Variants in ZDHHC3 observed in about 807,000 individuals in gnomAD.
The protein encoded by ZDHHC3 is zDHHC palmitoyltransferase 3.
ZDHHC3 carries 9 observed loss-of-function variants against 30.6 expected under a neutral mutation model. The ratio of observed to expected loss-of-function variants is 0.29; its 90% CI spans 0.18 to 0.51. ZDHHC3 has a LOEUF of 0.51. Among genes scored for constraint, ZDHHC3 ranks in the 20% least tolerant of loss-of-function variants. The pLI is 0.97. For missense variants in ZDHHC3, 246 were observed against 384.2 expected (o/e 0.64, Z 3.01); for synonymous variants, 136 against 140.2 (o/e 0.97, Z 0.21).
chr3:44,961,284 G>A (rs750827849), intron 1 of ZDHHC3, among the ~76,000 whole-genome samples: 13 of 152,240 alleles, frequency 8.5e-5, no homozygotes, highest in Non-Finnish European at 1.5e-4. Context: ...CCCAGCTACT[G>A]GGGAGGCTGA....
chr3:44,924,232 C>T lies in ZDHHC3; in HGVS notation c.*2457G>A, dbSNP rs188585558. On this transcript the variant is annotated 3_prime_UTR_variant, in exon 7 of 7. Transcript: ENST00000424952. ...TTACATCCGGAAATACTGAGGAGAG[C>T]TCAGGGATGCTTTCCCTTCCTGTCC... 430 of 985,432 alleles carry T rather than the reference C, an allele frequency of 4.4e-4. 2 individuals carry two copies. The African/African-American group carries it at 6.1e-3, about 14-fold the overall frequency. 61.0% of individuals were successfully genotyped at this position (985,432 alleles called of 1,614,324 possible). A position where few individuals can be genotyped will look rare whatever the true frequency, so the allele number is the denominator to read the frequency against.
chr3:44,956,040 T>C (rs550124491), intron 2 of ZDHHC3, among the ~76,000 whole-genome samples: 4 of 152,340 alleles, frequency 2.6e-5, no homozygotes, highest in South Asian at 2.1e-4. Flanking sequence ...TGCTTTGGGA[T>C]TGGAAGCTGG....
At chr3:44,937,019 T>C (rs1273732827) in intron 3 of ZDHHC3, among the ~76,000 whole-genome samples, 1 of 152,180 alleles carries the variant, frequency 6.6e-6, no homozygotes, top group Non-Finnish European at 1.5e-5. Context: ...CATTGACAAT[T>C]TTTTTTCAAT....
At position 44,926,092 on chromosome 3, in the gene ZDHHC3, A is replaced by G. The variant is rs962766786; in HGVS notation, c.*597T>C. ...ATCATTCTACACACCCCAAGCCCATAAAGTACAAGGCAGGCAATTGCTTTG... is the reference window on the plus strand; with the variant it reads ...ATCATTCTACACACCCCAAGCCCATGAAGTACAAGGCAGGCAATTGCTTTG... On this transcript the variant is annotated 3_prime_UTR_variant, in exon 7 of 7. Coordinates refer to ENST00000424952, the MANE Select transcript of ZDHHC3 (RefSeq NM_001135179.2). The G allele has an allele frequency of 1.3e-5, 13 of 985,880 alleles. No homozygotes were observed. In the South Asian group the frequency reaches 1.9e-4, roughly 14 times the overall value. The allele number at this position is 985,880 out of a possible 1,614,324, so 61.1% of individuals were successfully genotyped here. A position where few individuals can be genotyped will look rare whatever the true frequency, so the allele number is the denominator to read the frequency against.
At chr3:44,928,639 A>T (rs1180800830) in intron 6 of ZDHHC3, among the ~76,000 whole-genome samples, 1 of 152,176 alleles carries the variant, frequency 6.6e-6, no homozygotes. Context: ...ACACCTTAGG[A>T]AGGTCAGGAG....
At chr3:44,939,787 C>T (rs944456406) in intron 3 of ZDHHC3, among the ~76,000 whole-genome samples, 5 of 152,212 alleles carry the variant, frequency 3.3e-5, no homozygotes, top group Admixed American at 6.5e-5. Flanking sequence ...GGCTGAGTCT[C>T]GCTGGGCTTC....
chr3:44,963,804 C>A (rs1020078686), intron 1 of ZDHHC3, among the ~76,000 whole-genome samples: 1 of 152,210 alleles, frequency 6.6e-6, no homozygotes, highest in Non-Finnish European at 1.5e-5. Flanking sequence ...CCTCTAGTTC[C>A]CCCTCCCTGT....
intron 1 of ZDHHC3, among the ~76,000 whole-genome samples, chr3:44,971,369 T>C (rs191374006): frequency 6.6e-6 from 1 of 152,258 alleles, no homozygotes; most frequent in African/African-American, 2.4e-5. Context: ...CTGAATTAAG[T>C]GGGACATGCA....
At position 44,926,764 on chromosome 3, in the gene ZDHHC3, G is replaced by A; in HGVS notation, c.825C>T (p.Pro275=). ...AGGGGCTGGCCCAGCCTAGAGAGAAGGGGTGGCCAAAAACGGCTTTCATGT... is the reference window on the plus strand; with the variant it reads ...AGGGGCTGGCCCAGCCTAGAGAGAAAGGGTGGCCAAAAACGGCTTTCATGT... ...WMNMKAVFGH[P]FSLGWASPFA... The change falls in exon 7 of 7, where the codon CCC becomes CCT. Residue 275 remains proline (P), a synonymous_variant. Transcript: ENST00000424952. 1.9e-6 allele frequency: 3 copies of A among 1,613,870 alleles called. No individual in the cohort carries two copies. Among genetic ancestry groups the A allele is most frequent in the South Asian group, 1.1e-5 (1 of 91,020 alleles).
chr3:44,963,413 C>A (rs761132069), intron 1 of ZDHHC3, among the ~76,000 whole-genome samples: 58 of 152,212 alleles, frequency 3.8e-4, no homozygotes, highest in Non-Finnish European at 7.2e-4. Context: ...GGTTGCTTAA[C>A]CCCCAGACCT....
At position 44,917,192 on chromosome 3, in the gene ZDHHC3, G is replaced by A. The variant is rs188082167; in HGVS notation, c.*9497C>T. 2.0e-5 allele frequency: 3 copies of A among 152,752 alleles called. No individual in the cohort carries two copies. The highest frequency in any genetic ancestry group is 3.4e-3 in the Middle Eastern group (1 of 296). 9.5% of individuals were successfully genotyped at this position (152,752 alleles called of 1,614,324 possible). A position where few individuals can be genotyped will look rare whatever the true frequency, so the allele number is the denominator to read the frequency against. On this transcript the variant is annotated 3_prime_UTR_variant, in exon 7 of 7. Coordinates refer to ENST00000424952, the MANE Select transcript of ZDHHC3 (RefSeq NM_001135179.2). ...TCTGTGGAATGGGGGCTCATTTTCG[G>A]TGCTACTGTCTTAACTCTGGCTCTG...
At position 44,924,854 on chromosome 3, in the gene ZDHHC3, C is replaced by A. The variant is rs1700858692; in HGVS notation, c.*1835G>T. On this transcript the variant is annotated 3_prime_UTR_variant, in exon 7 of 7. Transcript: ENST00000424952. Reference sequence around the variant, plus strand: ...AGCATTCTTTTCTTTTTAATCTTAGCATCTCAGCCTCGCCCGTATCGCATG... The same window carrying A: ...AGCATTCTTTTCTTTTTAATCTTAGAATCTCAGCCTCGCCCGTATCGCATG... The A allele has an allele frequency of 2.0e-6, 2 of 985,536 alleles. No homozygotes were observed. Among genetic ancestry groups the A allele is most frequent in the African/African-American group, 3.5e-5 (2 of 57,366 alleles). 61.0% of individuals were successfully genotyped at this position (985,536 alleles called of 1,614,324 possible).
At chr3:44,955,457 TTATA>T (rs150337679) in intron 2 of ZDHHC3, among the ~76,000 whole-genome samples, 1 of 143,968 alleles carries the variant, frequency 6.9e-6, no homozygotes, top group East Asian at 2.0e-4. Context: ...CACAAGGTTT[TTATA>T]TATATATATA....
At chr3:44,955,522 A>G (rs1215040900) in intron 2 of ZDHHC3, among the ~76,000 whole-genome samples, 1 of 150,922 alleles carries the variant, frequency 6.6e-6, no homozygotes, top group East Asian at 1.9e-4. Context: ...AACCAAAGTG[A>G]TACACAATGC....
chr3:44,918,187 G>A lies in ZDHHC3; in HGVS notation c.*8502C>T. The A allele has an allele frequency of 7.8e-7, 1 of 1,281,658 alleles. No homozygotes were observed. Among genetic ancestry groups the A allele is most frequent in the Non-Finnish European group, 1.0e-6 (1 of 975,800 alleles). 79.4% of individuals were successfully genotyped at this position (1,281,658 alleles called of 1,614,324 possible). On this transcript the variant is annotated 3_prime_UTR_variant, in exon 7 of 7. Transcript: ENST00000424952. ...GAAGAACATCGTCAGCGTGGTGCTG[G>A]GCTGTACAGCTCACATAGACACCCC... is the stretch of plus-strand genomic sequence containing the variant.
rs1352007939 is a variant in ZDHHC3 at position 44,959,284 on chromosome 3, G to C, written c.153C>G (p.Thr51=). The change falls in exon 2 of 7, where the codon ACC becomes ACG. Residue 51 remains threonine (T), a synonymous_variant. Transcript: ENST00000424952. This position sits in a 1 kb window ranked among gnomAD's most constrained non-coding sequence, Gnocchi z 4.3. ...DGCGIACAIV[T]WFLVLYAEFV... Reference sequence around the variant, plus strand: ...ACTCCGCATAGAGGACCAGAAACCAGGTAACGATGGCACAGGCGATGCCAC... The same window carrying C: ...ACTCCGCATAGAGGACCAGAAACCACGTAACGATGGCACAGGCGATGCCAC... The C allele has an allele frequency of 8.1e-6, 13 of 1,614,228 alleles. No homozygotes were observed. The highest frequency in any genetic ancestry group is 1.1e-5 in the South Asian group (1 of 91,084).
rs9826883 is a variant in ZDHHC3 at position 44,917,400 on chromosome 3, C to T, written c.*9289G>A. On this transcript the variant is annotated 3_prime_UTR_variant, in exon 7 of 7. Coordinates refer to ENST00000424952, the MANE Select transcript of ZDHHC3 (RefSeq NM_001135179.2). ...TCTGCAGTCTTTCCAGGCTAGTCTCCCCTGATGTCAGTGTCCCAACCCAGG... is the reference window on the plus strand; with the variant it reads ...TCTGCAGTCTTTCCAGGCTAGTCTCTCCTGATGTCAGTGTCCCAACCCAGG... The T allele has an allele frequency of 0.033, 5,580 of 170,294 alleles. 309 individuals are homozygous for T. The highest frequency in any genetic ancestry group is 0.13 in the African/African-American group (5,243 of 41,932). The allele number at this position is 170,294 out of a possible 1,614,324, so 10.5% of individuals were successfully genotyped here.
chr3:44,950,530 C>T (rs1055314426), intron 2 of ZDHHC3, among the ~76,000 whole-genome samples: 7 of 152,232 alleles, frequency 4.6e-5, no homozygotes, highest in Non-Finnish European at 7.4e-5. Flanking sequence ...CATGTGCCCC[C>T]ACAATGAGAC....
intron 2 of ZDHHC3, among the ~76,000 whole-genome samples, chr3:44,954,467 G>A (rs956393526): frequency 3.3e-5 from 5 of 152,178 alleles, no homozygotes; most frequent in East Asian, 1.9e-4. Context: ...TCAATACGGC[G>A]TAGGTGTGCA....
Sources: allele counts gnomAD v4.1 joint callset (sites outside exome capture counted in the v4.1 genomes callset), GRCh38; gene constraint gnomAD v4.1.1; non-coding constraint Gnocchi (gnomAD v3.1); transcripts MANE v1.5; gene names NCBI Gene and HGNC (gene_info 2026-07-23, HGNC 2026-07-21).